Variants in PDE4D observed in about 807,000 individuals in gnomAD.
The protein encoded by PDE4D is 3',5'-cyclic-AMP phosphodiesterase 4D.
PDE4D carries 24 observed loss-of-function variants against 87.4 expected under a neutral mutation model. That is an observed-to-expected ratio of 0.27 (90% CI 0.20 to 0.39). The LOEUF is 0.39. Among genes scored for constraint, PDE4D ranks in the 10% least tolerant of loss-of-function variants. The probability of loss-of-function intolerance (pLI) is 1.00; values close to 1 mark genes in which losing one functional copy is unlikely to be tolerated. For missense variants in PDE4D, 714 were observed against 1,041.0 expected, an observed-to-expected ratio of 0.69 and a Z score of 4.32; for synonymous variants, 384 against 383.2, an observed-to-expected ratio of 1.00 and a Z score of -0.02.
chr5:60,306,176 TA>T (rs1404999044), intron 1 of PDE4D, among the ~76,000 whole-genome samples: 1 of 151,248 alleles, frequency 6.6e-6, no homozygotes, highest in Non-Finnish European at 1.5e-5. Flanking sequence ...AGATAACCTT[TA>T]AAAATAAAAA....
chr5:59,153,151 A>C (rs74998352), intron 5 of PDE4D, among the ~76,000 whole-genome samples: 3,805 of 152,212 alleles, frequency 0.025, 144 homozygotes, highest in African/African-American at 0.077. Context: ...ATGGTGCTGC[A>C]CAGTTGTCAG....
intron 1 of PDE4D, among the ~76,000 whole-genome samples, chr5:60,329,105 T>C (rs1385706966): frequency 2.6e-5 from 4 of 152,250 alleles, no homozygotes; most frequent in African/African-American, 9.6e-5. Flanking sequence ...TTATGAGGGC[T>C]CCTGTGTTAT....
chr5:59,017,764 T>C (rs1458620048), intron 6 of PDE4D, among the ~76,000 whole-genome samples: 1 of 152,224 alleles, frequency 6.6e-6, no homozygotes. Flanking sequence ...AATTTAGTAC[T>C]CCTAGTTGGC....
intron 3 of PDE4D, among the ~76,000 whole-genome samples, chr5:59,938,814 A>T (rs776190965): frequency 9.9e-5 from 15 of 152,184 alleles, no homozygotes; most frequent in African/African-American, 2.4e-5. Context: ...TCAGCCCTTC[A>T]GATTCAATTT....
rs149428998 is a variant in PDE4D at position 60,020,264 on chromosome 5, G to A, written c.43-31547C>T. Among the ~76,000 whole-genome samples, 11 of 152,190 alleles carry A rather than the reference G, an allele frequency of 7.2e-5. No homozygotes were observed. In the East Asian group the frequency reaches 2.1e-3, roughly 29 times the overall value. ...ATGATAGTAACAACAAAGATCATTGGTCACACATAACACCGTAACAAATAT... is the reference window on the plus strand; with the variant it reads ...ATGATAGTAACAACAAAGATCATTGATCACACATAACACCGTAACAAATAT... On this transcript the variant is annotated intron_variant, in intron 2 of 16. Coordinates refer to the PDE4D transcript ENST00000502484.
intron 2 of PDE4D, among the ~76,000 whole-genome samples, chr5:60,110,119 T>C (rs77223771): frequency 0.14 from 21,453 of 152,052 alleles, 1,565 homozygotes; most frequent in Middle Eastern, 0.23. Context: ...AAATAAAAAC[T>C]ATTTGGCTAA....
intron 5 of PDE4D, among the ~76,000 whole-genome samples, chr5:59,164,673 A>G (rs190300237): frequency 1.2e-3 from 178 of 152,294 alleles, no homozygotes; most frequent in African/African-American, 3.8e-3. Flanking sequence ...AAATGATTTA[A>G]TAAACTTATT....
At chr5:59,332,054 T>C (rs185654240) in intron 1 of PDE4D, among the ~76,000 whole-genome samples, 1 of 152,320 alleles carries the variant, frequency 6.6e-6, no homozygotes, top group African/African-American at 2.4e-5. Context: ...AATAGAGAGC[T>C]CCTTAGAGCA....
chr5:59,215,791 G>A lies in PDE4D; in HGVS notation c.633C>T (p.Ser211=), dbSNP rs769811406. The A allele has an allele frequency of 3.1e-6, 5 of 1,613,400 alleles. No individual in the cohort carries two copies. The highest frequency in any genetic ancestry group is 1.7e-5 in the Admixed American group (1 of 59,980). Residue 211 remains serine (S), a synonymous_variant, in exon 2 of 15, where the codon TCC becomes TCT. Transcript: ENST00000340635. ...LSPKSMSRNS[S]IASDIHGDDL... Reference sequence around the variant, plus strand: ...CTTGTACTTACATATCACTGGCAATGGAGGAGTTCCGGGACATAGACTTTG... The same window carrying A: ...CTTGTACTTACATATCACTGGCAATAGAGGAGTTCCGGGACATAGACTTTG...
intron 1 of PDE4D, among the ~76,000 whole-genome samples, chr5:59,833,057 C>T (rs1023291090): frequency 3.9e-5 from 6 of 152,004 alleles, no homozygotes; most frequent in African/African-American, 1.2e-4. Flanking sequence ...GGGAAACAAA[C>T]AGGATGTGGC....
intron 2 of PDE4D, among the ~76,000 whole-genome samples, chr5:60,069,043 T>C (rs1772428739): frequency 6.6e-6 from 1 of 152,206 alleles, no homozygotes; most frequent in African/African-American, 2.4e-5. Context: ...AAGACAAGCA[T>C]CCAGTTTCAT....
chr5:59,742,132 C>T (rs993227908), intron 1 of PDE4D, among the ~76,000 whole-genome samples: 5 of 152,164 alleles, frequency 3.3e-5, no homozygotes, highest in African/African-American at 7.2e-5. Flanking sequence ...GGCGCAGTCT[C>T]GGCTCACTGC....
chr5:59,468,568 A>C (rs1801940677), intron 1 of PDE4D, among the ~76,000 whole-genome samples: 1 of 152,256 alleles, frequency 6.6e-6, no homozygotes, highest in African/African-American at 2.4e-5. Flanking sequence ...AAGCATGTAA[A>C]GCCACCAAGG....
At chr5:59,654,557 T>G (rs1306278525) in intron 1 of PDE4D, among the ~76,000 whole-genome samples, 2 of 152,162 alleles carry the variant, frequency 1.3e-5, no homozygotes, top group African/African-American at 4.8e-5. Context: ...CTTAGGAAAA[T>G]TGTTCTATAT....
intron 1 of PDE4D, among the ~76,000 whole-genome samples, chr5:60,274,000 T>C (rs1751096246): frequency 6.6e-6 from 1 of 152,064 alleles, no homozygotes; most frequent in Non-Finnish European, 1.5e-5. Flanking sequence ...TCTCAAGACA[T>C]TGGTCTCAGG....
chr5:59,208,001 TA>T (rs200620615), intron 2 of PDE4D, among the ~76,000 whole-genome samples: 27 of 143,688 alleles, frequency 1.9e-4, no homozygotes, highest in Admixed American at 2.1e-4. Flanking sequence ...CTACTAAAAG[TA>T]AAAAAAAAAA....
chr5:59,232,833 C>T (rs1462552030), intron 1 of PDE4D, among the ~76,000 whole-genome samples: 2 of 148,132 alleles, frequency 1.4e-5, no homozygotes, highest in African/African-American at 5.1e-5. Flanking sequence ...TATATACACA[C>T]ACACATACAC....
At chr5:60,180,877 A>C (rs1435898464) in intron 2 of PDE4D, among the ~76,000 whole-genome samples, 1 of 152,184 alleles carries the variant, frequency 6.6e-6, no homozygotes, top group African/African-American at 2.4e-5. Flanking sequence ...AGTGAATACC[A>C]GTGAAAAAAA....
chr5:59,136,125 A>G (rs988309686), intron 5 of PDE4D, among the ~76,000 whole-genome samples: 1 of 152,198 alleles, frequency 6.6e-6, no homozygotes. Flanking sequence ...TAACATATCC[A>G]TAAAAAATAA....
Sources: allele counts gnomAD v4.1 joint callset (sites outside exome capture counted in the v4.1 genomes callset), GRCh38; gene constraint gnomAD v4.1.1; transcripts MANE v1.5; gene names NCBI Gene and HGNC (gene_info 2026-07-23, HGNC 2026-07-21).